The following GPR19 variants were observed in gnomAD, a reference collection of about 807,000 sequenced individuals.
The protein encoded by GPR19 is probable G protein-coupled receptor 19.
In GPR19, 14 loss-of-function variants were observed where a neutral mutation model predicts 28.5. That is an observed-to-expected ratio of 0.49 (90% confidence interval 0.32 to 0.77). The LOEUF is 0.77. Among genes scored for constraint, GPR19 ranks in the 30% least tolerant of loss-of-function variants. The pLI is 0.03. For synonymous variants in GPR19, 173 were observed against 184.1 expected (o/e 0.94, Z 0.49); for missense variants, 409 against 504.1 (o/e 0.81, Z 1.81).
At chr12:12,704,608 T>C in the GPR19 span, among the ~76,000 whole-genome samples, 1 of 152,244 alleles carries the variant, frequency 6.6e-6, no homozygotes, top group East Asian at 1.9e-4. Flanking sequence ...GTAGAATCTA[T>C]GCAAATTTAG....
At position 12,687,662 on chromosome 12, in the gene GPR19, C is replaced by A. The variant is rs574958205; in HGVS notation, c.-179-3155G>T. ...ATAACTGAAAATATTGGGGATAGTACTGAGAAAGTGAATAGCTCCAATAAT... is the reference window on the plus strand; with the variant it reads ...ATAACTGAAAATATTGGGGATAGTAATGAGAAAGTGAATAGCTCCAATAAT... On this transcript the variant is annotated intron_variant, in intron 2 of 3. Transcript: ENST00000651487. Among the ~76,000 whole-genome samples the A allele has an allele frequency of 2.0e-5, 3 of 152,290 alleles. No individual in the cohort carries two copies. The East Asian group carries it at 5.8e-4, about 29-fold the overall frequency.
chr12:12,716,936 A>G, the GPR19 span: 44 of 984,786 alleles, frequency 4.5e-5, no homozygotes, highest in Non-Finnish European at 5.2e-5. Flanking sequence ...GCAGCTCGCC[A>G]CCCCGGCTCC....
chr12:12,690,385 T>C (rs1330503790), intron 2 of GPR19, among the ~76,000 whole-genome samples: 1 of 152,116 alleles, frequency 6.6e-6, no homozygotes, highest in African/African-American at 2.4e-5. Flanking sequence ...GAAAAATGAA[T>C]CCCCTTAGGT....
chr12:12,717,064 C>T, the GPR19 span: 3 of 1,007,922 alleles, frequency 3.0e-6, no homozygotes, highest in East Asian at 7.3e-5. Flanking sequence ...CAGCGCCGGG[C>T]CCCGAACCTC....
chr12:12,693,227 C>T (rs1946211858), intron 2 of GPR19, among the ~76,000 whole-genome samples: 1 of 152,172 alleles, frequency 6.6e-6, no homozygotes, highest in Non-Finnish European at 1.5e-5. Context: ...AATAACAAAA[C>T]CACTTGTGTG....
intron 3 of GPR19, among the ~76,000 whole-genome samples, chr12:12,682,355 C>G (rs913637732): frequency 6.6e-6 from 1 of 152,216 alleles, no homozygotes; most frequent in Non-Finnish European, 1.5e-5. Context: ...CAAGTTCTTA[C>G]TACACATGTG....
chr12:12,670,322 G>A lies in GPR19; in HGVS notation c.-22-7852C>T, dbSNP rs545791801. Among the ~76,000 whole-genome samples, 4 of 152,278 alleles carry A rather than the reference G, an allele frequency of 2.6e-5. No individual in the cohort carries two copies. In the South Asian group the frequency reaches 8.3e-4, roughly 32 times the overall value. On this transcript the variant is annotated intron_variant, in intron 3 of 3. Coordinates refer to ENST00000651487, the MANE Select transcript of GPR19 (RefSeq NM_006143.3). ...AATCTGGCAAACCTACACCCAGAATGTAATCTTCTGCTAAAAAAATCTCAT... is the reference window on the plus strand; with the variant it reads ...AATCTGGCAAACCTACACCCAGAATATAATCTTCTGCTAAAAAAATCTCAT...
chr12:12,672,205 A>C (rs1345321304), intron 3 of GPR19, among the ~76,000 whole-genome samples: 1 of 152,166 alleles, frequency 6.6e-6, no homozygotes, highest in Non-Finnish European at 1.5e-5. Flanking sequence ...GTCCTCCCCT[A>C]ATTCCTTGTA....
At chr12:12,680,124 A>G (rs867856117) in intron 3 of GPR19, among the ~76,000 whole-genome samples, 1 of 152,222 alleles carries the variant, frequency 6.6e-6, no homozygotes, top group African/African-American at 2.4e-5. Flanking sequence ...TATATTTTCC[A>G]AATTTTCTAG....
chr12:12,716,657 G>GGA, the GPR19 span: 1 of 572,034 alleles, frequency 1.7e-6, no homozygotes, highest in Middle Eastern at 8.7e-4. Flanking sequence ...TTTCATTGAG[G>GGA]GAGAGCTTGA....
At chr12:12,672,009 T>C (rs1945860601) in intron 3 of GPR19, among the ~76,000 whole-genome samples, 1 of 152,054 alleles carries the variant, frequency 6.6e-6, no homozygotes, top group African/African-American at 2.4e-5. Context: ...AGAATTAAGA[T>C]GGGGTGTCAT....
chr12:12,688,015 A>G (rs974661883), intron 2 of GPR19, among the ~76,000 whole-genome samples: 3 of 152,238 alleles, frequency 2.0e-5, no homozygotes, highest in Non-Finnish European at 4.4e-5. Context: ...ACAGACTACT[A>G]TAGTTAGAAC....
intron 3 of GPR19, among the ~76,000 whole-genome samples, chr12:12,673,453 C>G (rs1202530425): frequency 6.6e-6 from 1 of 152,206 alleles, no homozygotes; most frequent in Non-Finnish European, 1.5e-5. Flanking sequence ...CTAGGACACT[C>G]ACCTCCAGAC....
At position 12,662,319 on chromosome 12, in the gene GPR19, T is replaced by C. The variant is rs1223205756; in HGVS notation, c.130A>G (p.Ser44Gly). Reference sequence around the variant, plus strand: ...TTGCTCATCCAACTGTGCTCCTCACTTAATTCCATCAGGTATTGGCTTGGC... The same window carrying C: ...TTGCTCATCCAACTGTGCTCCTCACCTAATTCCATCAGGTATTGGCTTGGC... ...PLPSQYLMEL[S>G]EEHSWMSNQT... Residue 44 changes from serine (S) to glycine (G), a missense_variant, in exon 4 of 4, where the codon AGT becomes GGT. Physicochemically the swap from Ser to Gly is moderately conservative, Grantham distance 56. Coordinates refer to ENST00000651487, the MANE Select transcript of GPR19 (RefSeq NM_006143.3). The C allele has an allele frequency of 1.6e-5, 26 of 1,614,250 alleles. No homozygotes were observed. The highest frequency in any genetic ancestry group is 1.9e-5 in the Non-Finnish European group (23 of 1,180,048).
intron 2 of GPR19, among the ~76,000 whole-genome samples, chr12:12,686,783 A>G (rs1001398345): frequency 3.9e-5 from 6 of 152,330 alleles, no homozygotes; most frequent in South Asian, 2.1e-4. Context: ...ACTTACTACT[A>G]TGGCCCCTTG....
intron 2 of GPR19, among the ~76,000 whole-genome samples, chr12:12,687,746 A>G (rs1200555768): frequency 2.6e-5 from 4 of 152,252 alleles, no homozygotes; most frequent in Non-Finnish European, 4.4e-5. Context: ...CAAAATTGGA[A>G]ACAAACCACT....
the GPR19 span, among the ~76,000 whole-genome samples, chr12:12,712,523 ACCAC>A: frequency 6.6e-6 from 1 of 152,194 alleles, no homozygotes; most frequent in Non-Finnish European, 1.5e-5. Flanking sequence ...ATCCCCACTT[ACCAC>A]CCCTACCAAT....
At chr12:12,664,322 T>C (rs112475553) in intron 3 of GPR19, among the ~76,000 whole-genome samples, 5,224 of 152,142 alleles carry the variant, frequency 0.034, 300 homozygotes, top group African/African-American at 0.12. Flanking sequence ...TTGTACTAAT[T>C]TGTGGTAGAG....
chr12:12,665,466 A>G (rs1451715525), intron 3 of GPR19, among the ~76,000 whole-genome samples: 3 of 152,248 alleles, frequency 2.0e-5, no homozygotes, highest in Non-Finnish European at 2.9e-5. Context: ...TGCTGGTGGC[A>G]TAAGTTCTCA....
Sources: gnomAD v4.1 joint callset for allele counts (sites outside exome capture counted in the v4.1 genomes callset) on GRCh38, gnomAD v4.1.1 for gene constraint, MANE v1.5 for transcripts, NCBI Gene and HGNC (gene_info 2026-07-23, HGNC 2026-07-21) for gene names.